ZNF740: variants seen among roughly 807,000 people sequenced by gnomAD.
ZNF740 encodes oriLyt TD-element-binding protein 7.
A neutral mutation model predicts 24.8 loss-of-function variants in ZNF740; 14 were observed. The ratio of observed to expected loss-of-function variants is 0.56; its 90% CI spans 0.37 to 0.88. The LOEUF (loss-of-function observed/expected upper bound fraction) is 0.88. Among genes scored for constraint, ZNF740 ranks in the 40% least tolerant of loss-of-function variants. ZNF740 has a pLI of 0.00. For synonymous variants in ZNF740, 69 were observed against 84.0 expected, an observed-to-expected ratio of 0.82 and a Z score of 0.98; for missense variants, 201 against 247.9, an observed-to-expected ratio of 0.81 and a Z score of 1.27.
In ZNF740 at chr12:53,193,761, G is replaced by C; in HGVS notation, c.*6171G>C. The C allele has an allele frequency of 6.2e-7, 1 of 1,614,010 alleles. No homozygotes were observed. The highest frequency in any genetic ancestry group is 8.5e-7 in the Non-Finnish European group (1 of 1,179,982). On this transcript the variant is annotated 3_prime_UTR_variant, in exon 7 of 7. Coordinates refer to ENST00000416904, the MANE Select transcript of ZNF740 (RefSeq NM_001004304.4). ...GGCCATCACTGCAGTGGGGAGCCTG[G>C]GGCTGGGTGTCACTGCAATTACAGT...
rs751166511 is a variant in ZNF740, at chr12:53,192,672, G to C, written c.*5082G>C. 6.2e-7 allele frequency: 1 copy of C among 1,609,592 alleles called. No homozygotes were observed. The highest frequency in any genetic ancestry group is 8.5e-7 in the Non-Finnish European group (1 of 1,176,856). On this transcript the variant is annotated 3_prime_UTR_variant, in exon 7 of 7. Transcript: ENST00000416904. ...CCCACTGTGCCCCTGCTCCCAAGAT[G>C]CAAGACCTGAGGCCTCACCGGTGTC...
rs148634345 is a variant in ZNF740 at position 53,194,667 on chromosome 12, G to C, written c.*7077G>C. The C allele has an allele frequency of 0.016, 4,207 of 260,598 alleles. 56 individuals are homozygous for C. Among genetic ancestry groups the C allele is most frequent in the Non-Finnish European group, 0.022 (2,924 of 133,228 alleles). The allele number at this position is 260,598 out of a possible 1,614,324, so 16.1% of individuals were successfully genotyped here. On this transcript the variant is annotated 3_prime_UTR_variant, in exon 7 of 7. Transcript: ENST00000416904. The stretch of plus-strand genomic sequence containing the variant: ...CCACATCAGGACACATAACCTGGGT[G>C]CATGCCAGGTCTAAAGGGCAGATTC...
At chr12:53,186,286 T>C in intron 5 of ZNF740, 105 bp from the exon 6 acceptor site, 1 of 1,205,098 alleles carries the variant, frequency 8.3e-7, no homozygotes, top group East Asian at 2.6e-5. Flanking sequence ...TTATGATCAC[T>C]TAGGTGTCTA....
At chr12:53,181,220 C>G in intron 1 of ZNF740, 1 of 985,452 alleles carries the variant, frequency 1.0e-6, no homozygotes, top group Non-Finnish European at 1.2e-6. Context: ...CAGCAAGTTT[C>G]CCTACCTTCG....
At position 53,193,950 on chromosome 12, in the gene ZNF740, A is replaced by T; in HGVS notation, c.*6360A>T. The T allele has an allele frequency of 6.5e-7, 1 of 1,532,842 alleles. No homozygotes were observed. The highest frequency in any genetic ancestry group is 8.9e-7 in the Non-Finnish European group (1 of 1,122,954). The allele number at this position is 1,532,842 out of a possible 1,614,324, so 95.0% of individuals were successfully genotyped here. On this transcript the variant is annotated 3_prime_UTR_variant, in exon 7 of 7. Coordinates refer to ENST00000416904, the MANE Select transcript of ZNF740 (RefSeq NM_001004304.4). ...CATGGTTATACACATGCACACACACATACCCCAAACTCACCAATCATCCAG... is the reference window on the plus strand; with the variant it reads ...CATGGTTATACACATGCACACACACTTACCCCAAACTCACCAATCATCCAG...
chr12:53,185,604 TC>T (rs1282870606), intron 4 of ZNF740, 128 bp downstream of exon 4: 31 of 827,950 alleles, frequency 3.7e-5, no homozygotes, highest in Admixed American at 7.5e-5. Context: ...AGTGAGTGAG[TC>T]CCCCAGATTT....
chr12:53,181,118 C>G (rs958038093), intron 1 of ZNF740: 85 of 967,704 alleles, frequency 8.8e-5, no homozygotes, highest in African/African-American at 8.6e-4. Context: ...CGGCTCTGCT[C>G]CCGGTTGGTG....
At position 53,183,795 on chromosome 12, in the gene ZNF740, T is replaced by C. The variant is rs1055066204; in HGVS notation, c.10-1096T>C. Among the ~76,000 whole-genome samples, 26 of 152,108 alleles carry C rather than the reference T, an allele frequency of 1.7e-4. 1 individual carries two copies. The highest frequency in any genetic ancestry group is 6.3e-4 in the African/African-American group (26 of 41,496). On this transcript the variant is annotated intron_variant, in intron 2 of 6. Coordinates refer to ENST00000416904, the MANE Select transcript of ZNF740 (RefSeq NM_001004304.4). Reference sequence around the variant, plus strand: ...TCCCAGGACCTTAGGAGACTGAGGCTGGAGGATTGTTTAAGCTCAGGAGTT... The same window carrying C: ...TCCCAGGACCTTAGGAGACTGAGGCCGGAGGATTGTTTAAGCTCAGGAGTT...
chr12:53,193,354 AG>A lies in ZNF740; in HGVS notation c.*5768del, dbSNP rs775798067. ...ACTCACAGAGCCGACCTAGGCGGCC[AG>A]GGGCACAGCTGGAAGGGGAAGGCAA... is the stretch of plus-strand genomic sequence containing the variant. On this transcript the variant is annotated 3_prime_UTR_variant, in exon 7 of 7. Transcript: ENST00000416904. The A allele has an allele frequency of 6.3e-7, 1 of 1,583,582 alleles. No individual in the cohort carries two copies. Among genetic ancestry groups the A allele is most frequent in the Non-Finnish European group, 8.6e-7 (1 of 1,160,842 alleles).
chr12:53,193,008 A>C lies in ZNF740; in HGVS notation c.*5418A>C, dbSNP rs1462202210. ...CCCACGCATCCAATCTTTTTGAAGT[A>C]TGCCAACCACACCCTCTAACCCATA... On this transcript the variant is annotated 3_prime_UTR_variant, in exon 7 of 7. Coordinates refer to ENST00000416904, the MANE Select transcript of ZNF740 (RefSeq NM_001004304.4). The C allele has an allele frequency of 7.2e-7, 1 of 1,386,822 alleles. No homozygotes were observed. Among genetic ancestry groups the C allele is most frequent in the Non-Finnish European group, 1.0e-6 (1 of 994,452 alleles). The allele number at this position is 1,386,822 out of a possible 1,614,324, so 85.9% of individuals were successfully genotyped here.
chr12:53,193,036 C>T lies in ZNF740; in HGVS notation c.*5446C>T. On this transcript the variant is annotated 3_prime_UTR_variant, in exon 7 of 7. Transcript: ENST00000416904. ...CCAACCACACCCTCTAACCCATACA[C>T]CGGAATCTTTTGATATTTGCCTTCC... 7.3e-7 allele frequency: 1 copy of T among 1,375,172 alleles called. No individual in the cohort carries two copies. The highest frequency in any genetic ancestry group is 2.4e-5 in the East Asian group (1 of 41,108). 85.2% of individuals were successfully genotyped at this position (1,375,172 alleles called of 1,614,324 possible).
Position 53,191,321 on chromosome 12 carries a change from G to T in ZNF740, c.*3731G>T. The T allele has an allele frequency of 1.8e-6, 1 of 542,362 alleles. No homozygotes were observed. The highest frequency in any genetic ancestry group is 3.3e-6 in the Non-Finnish European group (1 of 299,668). The allele number at this position is 542,362 out of a possible 1,614,324, so 33.6% of individuals were successfully genotyped here. Reference sequence around the variant, plus strand: ...TGAGGTAAAGCAAAGTGACAGCTGTGGTCTGAGGTAAGACTTTATTGTATA... The same window carrying T: ...TGAGGTAAAGCAAAGTGACAGCTGTTGTCTGAGGTAAGACTTTATTGTATA... On this transcript the variant is annotated 3_prime_UTR_variant, in exon 7 of 7. Coordinates refer to ENST00000416904, the MANE Select transcript of ZNF740 (RefSeq NM_001004304.4).
rs943102942 is a variant in ZNF740, at chr12:53,186,605, C to T, written c.492+96C>T. ...TCCTGCCTGACAAAAGAGCCACCAGCGTTACTCGCCATAATAGTTAACACA... is the reference window on the plus strand; with the variant it reads ...TCCTGCCTGACAAAAGAGCCACCAGTGTTACTCGCCATAATAGTTAACACA... On this transcript the variant is annotated intron_variant, in intron 6 of 6. Transcript: ENST00000416904. The T allele has an allele frequency of 4.8e-5, 45 of 935,074 alleles. No homozygotes were observed. In the Admixed American group the frequency reaches 7.8e-4, roughly 16 times the overall value. 57.9% of individuals were successfully genotyped at this position (935,074 alleles called of 1,614,324 possible). A position where few individuals can be genotyped will look rare whatever the true frequency, so the allele number is the denominator to read the frequency against.
At chr12:53,182,067 G>C in intron 2 of ZNF740, 75 bp downstream of exon 2, 10 of 1,564,290 alleles carry the variant, frequency 6.4e-6, no homozygotes, top group Non-Finnish European at 8.7e-6. Context: ...TGCTGCCTTA[G>C]TCAACATATT....
chr12:53,193,075 C>A lies in ZNF740; in HGVS notation c.*5485C>A, dbSNP rs191980803. The A allele has an allele frequency of 1.4e-6, 2 of 1,476,294 alleles. No homozygotes were observed. Among genetic ancestry groups the A allele is most frequent in the East Asian group, 4.6e-5 (2 of 43,222 alleles). The allele number at this position is 1,476,294 out of a possible 1,614,324, so 91.4% of individuals were successfully genotyped here. A position where few individuals can be genotyped will look rare whatever the true frequency, so the allele number is the denominator to read the frequency against. On this transcript the variant is annotated 3_prime_UTR_variant, in exon 7 of 7. Transcript: ENST00000416904. ...TATTTGCCTTCCATGCCAGGAGATT[C>A]CCAGAGCCTAAGTGCCTTGGGAAGG... is the stretch of plus-strand genomic sequence containing the variant.
chr12:53,185,146 G>A, intron 3 of ZNF740, 106 bp downstream of exon 3: 1 of 1,538,746 alleles, frequency 6.5e-7, no homozygotes, highest in East Asian at 2.3e-5. Context: ...AGGGAAGTGG[G>A]GCAAGGGGAT....
chr12:53,191,242 A>ACAAGAGCTTTCCCGAGGCCCAGG lies in ZNF740; in HGVS notation c.*3652_*3653insCAAGAGCTTTCCCGAGGCCCAGG, dbSNP rs1941932241. On this transcript the variant is annotated 3_prime_UTR_variant, in exon 7 of 7. Transcript: ENST00000416904. Reference sequence around the variant, plus strand: ...CCTGCCCTCAGGTGGCAAGAGGAGGATGGACAAGAGCTTTCCCGAGGCCCA... The same window carrying ACAAGAGCTTTCCCGAGGCCCAGG: ...CCTGCCCTCAGGTGGCAAGAGGAGGACAAGAGCTTTCCCGAGGCCCAGGTGGACAAGAGCTTTCCCGAGGCCCA... 1 of 349,944 alleles carries ACAAGAGCTTTCCCGAGGCCCAGG rather than the reference A, an allele frequency of 2.9e-6. No individual in the cohort carries two copies. The allele number at this position is 349,944 out of a possible 1,614,324, so 21.7% of individuals were successfully genotyped here. A position where few individuals can be genotyped will look rare whatever the true frequency, so the allele number is the denominator to read the frequency against.
rs1941922890 is a variant in ZNF740, at chr12:53,190,950, C to G, written c.*3360C>G. 6.5e-6 allele frequency: 1 copy of G among 154,318 alleles called. No homozygotes were observed. Among genetic ancestry groups the G allele is most frequent in the Non-Finnish European group, 1.4e-5 (1 of 69,402 alleles). The allele number at this position is 154,318 out of a possible 1,614,324, so 9.6% of individuals were successfully genotyped here. A position where few individuals can be genotyped will look rare whatever the true frequency, so the allele number is the denominator to read the frequency against. ...CCCTACATAATCACCCCACAACTTC[C>G]AGCACCCTATAAGCCATTTTAAAAC... On this transcript the variant is annotated 3_prime_UTR_variant, in exon 7 of 7. Transcript: ENST00000416904.
chr12:53,194,353 A>G lies in ZNF740; in HGVS notation c.*6763A>G. The G allele has an allele frequency of 1.9e-6, 3 of 1,613,850 alleles. No individual in the cohort carries two copies. The highest frequency in any genetic ancestry group is 2.5e-6 in the Non-Finnish European group (3 of 1,179,860). On this transcript the variant is annotated 3_prime_UTR_variant, in exon 7 of 7. Coordinates refer to ENST00000416904, the MANE Select transcript of ZNF740 (RefSeq NM_001004304.4). ...ACGGTGGAAGACAGGCTCTATGGGAAGAGAGCGAGTGGATAACCACGTGAA... is the reference window on the plus strand; with the variant it reads ...ACGGTGGAAGACAGGCTCTATGGGAGGAGAGCGAGTGGATAACCACGTGAA...
Sources: gnomAD v4.1 joint callset for allele counts (sites outside exome capture counted in the v4.1 genomes callset) on GRCh38, gnomAD v4.1.1 for gene constraint, MANE v1.5 for transcripts, NCBI Gene and HGNC (gene_info 2026-07-23, HGNC 2026-07-21) for gene names.